Variants in BLTP3B observed in about 807,000 individuals in gnomAD.
The protein encoded by BLTP3B is UHRF1 (ICBP90) binding protein 1-like.
the BLTP3B span, among the ~76,000 whole-genome samples, chr12:100,109,734 C>T: frequency 2.7e-5 from 4 of 150,476 alleles, no homozygotes; most frequent in Admixed American, 6.6e-5. Context: ...CCACTGCACT[C>T]CAGCCTGGGT....
the BLTP3B span, among the ~76,000 whole-genome samples, chr12:100,040,669 G>A: frequency 3.3e-5 from 5 of 152,058 alleles, no homozygotes; most frequent in African/African-American, 9.7e-5. Context: ...CTGGGCGACA[G>A]AGCGAGACTC....
chr12:100,039,909 T>A, the BLTP3B span: 1 of 783,628 alleles, frequency 1.3e-6, no homozygotes, highest in Non-Finnish European at 1.8e-6. Flanking sequence ...ATGAGGATAG[T>A]AGTATGAGAT....
chr12:100,086,213 A>G, the BLTP3B span: 1 of 1,089,966 alleles, frequency 9.2e-7, no homozygotes, highest in Non-Finnish European at 1.3e-6. Context: ...ACTAAACTAA[A>G]TAAATTAGCT....
At chr12:100,123,779 TAC>T in the BLTP3B span, among the ~76,000 whole-genome samples, 1 of 152,158 alleles carries the variant, frequency 6.6e-6, no homozygotes, top group Non-Finnish European at 1.5e-5. Flanking sequence ...ATTCTCAATT[TAC>T]ACAGAGTTTG....
the BLTP3B span, chr12:100,057,420 T>C: frequency 2.4e-6 from 1 of 409,492 alleles, no homozygotes; most frequent in Non-Finnish European, 4.1e-6. Context: ...TTACTAAATA[T>C]AAGTAGAAAT....
At chr12:100,050,488 T>C in the BLTP3B span, among the ~76,000 whole-genome samples, 1 of 152,182 alleles carries the variant, frequency 6.6e-6, no homozygotes, top group East Asian at 1.9e-4. Flanking sequence ...TGAAAACCTT[T>C]CATTTACTTA....
chr12:100,037,230 A>G, the BLTP3B span: 11 of 967,422 alleles, frequency 1.1e-5, no homozygotes, highest in Non-Finnish European at 1.2e-5. Flanking sequence ...TTTGTAAATA[A>G]TAGTAAATTA....
chr12:100,076,271 CCA>C, the BLTP3B span, among the ~76,000 whole-genome samples: 3 of 151,524 alleles, frequency 2.0e-5, no homozygotes, highest in Non-Finnish European at 4.4e-5. Flanking sequence ...TTTAGTATAC[CCA>C]GAGATGTTTT....
At chr12:100,110,594 T>C in the BLTP3B span, among the ~76,000 whole-genome samples, 1 of 152,102 alleles carries the variant, frequency 6.6e-6, no homozygotes, top group Non-Finnish European at 1.5e-5. Context: ...GTTTAGTTGG[T>C]GAGACGGATC....
chr12:100,108,297 T>C, the BLTP3B span: 1 of 1,339,556 alleles, frequency 7.5e-7, no homozygotes, highest in South Asian at 1.4e-5. Context: ...TTATCTAAAA[T>C]TAAGTATTTT....
At chr12:100,091,430 T>C in the BLTP3B span, among the ~76,000 whole-genome samples, 166 of 151,920 alleles carry the variant, frequency 1.1e-3, no homozygotes, top group African/African-American at 3.7e-3. Context: ...CCTTGGGATC[T>C]GCCCGCCTTG....
At chr12:100,125,058 A>G in the BLTP3B span, among the ~76,000 whole-genome samples, 6 of 144,686 alleles carry the variant, frequency 4.1e-5, no homozygotes, top group African/African-American at 1.5e-4. Flanking sequence ...GAGGCCGGGC[A>G]CAGTGGCTCA....
At chr12:100,119,107 T>C in the BLTP3B span, among the ~76,000 whole-genome samples, 1 of 151,554 alleles carries the variant, frequency 6.6e-6, no homozygotes, top group Non-Finnish European at 1.5e-5. Context: ...GTCTCAAAAA[T>C]GAAATAAAAT....
chr12:100,116,080 G>A, the BLTP3B span, among the ~76,000 whole-genome samples: 670 of 151,786 alleles, frequency 4.4e-3, 5 homozygotes, highest in African/African-American at 0.015. Context: ...GCTGAGGCAG[G>A]GGAATCACTC....
At chr12:100,080,275 G>A in the BLTP3B span, among the ~76,000 whole-genome samples, 2 of 152,152 alleles carry the variant, frequency 1.3e-5, no homozygotes, top group African/African-American at 4.8e-5. Context: ...ACCAGTCCAT[G>A]AAAGCAGCCA....
At chr12:100,056,473 T>C in the BLTP3B span, among the ~76,000 whole-genome samples, 1 of 151,998 alleles carries the variant, frequency 6.6e-6, no homozygotes, top group East Asian at 1.9e-4. Context: ...ATACTTGTTA[T>C]ATTTATTATG....
the BLTP3B span, among the ~76,000 whole-genome samples, chr12:100,134,655 T>C: frequency 2.0e-5 from 3 of 151,840 alleles, no homozygotes; most frequent in Non-Finnish European, 4.4e-5. Context: ...CAACTTAACA[T>C]ATCCAAAACA....
the BLTP3B span, among the ~76,000 whole-genome samples, chr12:100,098,166 C>T: frequency 3.3e-5 from 5 of 151,820 alleles, no homozygotes; most frequent in South Asian, 4.2e-4. Flanking sequence ...TGCAGTGAGC[C>T]GTGATTGCGC....
the BLTP3B span, among the ~76,000 whole-genome samples, chr12:100,141,931 A>G: frequency 2.6e-5 from 4 of 152,198 alleles, no homozygotes; most frequent in Non-Finnish European, 4.4e-5. Flanking sequence ...AAACCAAAAA[A>G]AAAAAATGTT....
Sources: allele counts gnomAD v4.1 joint callset (sites outside exome capture counted in the v4.1 genomes callset), GRCh38; gene constraint gnomAD v4.1.1; transcripts MANE v1.5; gene names NCBI Gene and HGNC (gene_info 2026-07-23, HGNC 2026-07-21).